The following PDE10A variants were observed in gnomAD, a reference collection of about 807,000 sequenced individuals.
The protein encoded by PDE10A is cAMP and cAMP-inhibited cGMP 3',5'-cyclic phosphodiesterase 10A.
Under a neutral mutation model 97.7 loss-of-function variants are expected in PDE10A, and 39 were observed. That is an observed-to-expected ratio of 0.40 (90% CI 0.31 to 0.52). PDE10A has a LOEUF of 0.52. Ranked by LOEUF, PDE10A falls within the 20% of genes least tolerant of loss-of-function variation. The pLI, the probability that PDE10A is intolerant of heterozygous loss-of-function variation, is 0.56. For synonymous variants in PDE10A, 371 were observed against 376.8 expected, an observed-to-expected ratio of 0.98 and a Z score of 0.18; for missense variants, 731 against 1,047.8, an observed-to-expected ratio of 0.70 and a Z score of 4.17.
intron 1 of PDE10A, among the ~76,000 whole-genome samples, chr6:165,788,902 C>CGTGCACCACCCCCAGTGT (rs1248318078): frequency 6.6e-6 from 1 of 152,058 alleles, no homozygotes; most frequent in Non-Finnish European, 1.5e-5. Flanking sequence ...AAGCCAAGTG[C>CGTGCACCACCCCCAGTGT]GTGCACCACC....
chr6:165,606,473 G>T (rs1399137256), intron 1 of PDE10A, among the ~76,000 whole-genome samples: 2 of 152,164 alleles, frequency 1.3e-5, no homozygotes, highest in Non-Finnish European at 2.9e-5. Flanking sequence ...CACAGCAGGG[G>T]ATGGGAGCGT....
At chr6:165,901,555 C>T (rs1782106530) in intron 1 of PDE10A, among the ~76,000 whole-genome samples, 1 of 152,208 alleles carries the variant, frequency 6.6e-6, no homozygotes, top group African/African-American at 2.4e-5. Flanking sequence ...GTAATCCCAG[C>T]ACTTTGGGAA....
chr6:165,985,028 G>A (rs950430034), intron 1 of PDE10A, among the ~76,000 whole-genome samples: 2 of 152,182 alleles, frequency 1.3e-5, no homozygotes, highest in Non-Finnish European at 2.9e-5. Flanking sequence ...TTGGAGACAG[G>A]AGCCCAAGCC....
At chr6:165,851,040 A>T (rs898401829) in intron 1 of PDE10A, among the ~76,000 whole-genome samples, 3 of 152,234 alleles carry the variant, frequency 2.0e-5, no homozygotes, top group African/African-American at 7.2e-5. Flanking sequence ...AAGGAAGGGA[A>T]CAGGTAGAAT....
intron 13 of PDE10A, among the ~76,000 whole-genome samples, chr6:165,404,136 T>C (rs564184923): frequency 1.3e-5 from 2 of 152,310 alleles, no homozygotes; most frequent in South Asian, 4.1e-4. Context: ...CCGATATGAT[T>C]ACCACAGTCA....
intron 1 of PDE10A, among the ~76,000 whole-genome samples, chr6:165,556,621 G>C (rs1305896300): frequency 6.6e-6 from 1 of 152,096 alleles, no homozygotes; most frequent in African/African-American, 2.4e-5. Context: ...TCAAGTGCTG[G>C]ACAATAGCCA....
At chr6:165,578,025 C>G (rs1393793206) in intron 1 of PDE10A, among the ~76,000 whole-genome samples, 1 of 152,212 alleles carries the variant, frequency 6.6e-6, no homozygotes, top group African/African-American at 2.4e-5. Flanking sequence ...AGACAGGAAC[C>G]AGGAGTGCCC....
At chr6:165,373,500 T>C (rs933960942) in intron 18 of PDE10A, among the ~76,000 whole-genome samples, 2 of 152,158 alleles carry the variant, frequency 1.3e-5, no homozygotes, top group Non-Finnish European at 2.9e-5. Context: ...TGACTGGCCA[T>C]CAGAGAAATG....
intron 18 of PDE10A, among the ~76,000 whole-genome samples, chr6:165,361,159 C>T (rs977168080): frequency 4.6e-5 from 7 of 152,096 alleles, no homozygotes; most frequent in African/African-American, 1.7e-4. Context: ...ATGCGTTCAT[C>T]AAGGTTTCAA....
In PDE10A at chr6:165,767,092, G is replaced by A. The variant is rs545600041; in HGVS notation, c.-615+220437C>T. ...TTCTACATTAAAAAACGGGCTTTTG[G>A]ATTTTGCTACTATCCTTTCACTTGG... On this transcript the variant is annotated intron_variant, in intron 1 of 19. Transcript: ENST00000366882. Among the ~76,000 whole-genome samples, 8 of 152,228 alleles carry A rather than the reference G, an allele frequency of 5.3e-5. No homozygotes were observed. In the South Asian group the frequency reaches 1.7e-3, roughly 32 times the overall value.
intron 1 of PDE10A, among the ~76,000 whole-genome samples, chr6:165,619,496 A>G (rs1477180957): frequency 5.8e-5 from 6 of 103,992 alleles, no homozygotes; most frequent in East Asian, 5.4e-4. Context: ...AGTCTAGTGT[A>G]GTCTAGTGTA....
chr6:165,447,002 C>T (rs776992430), intron 5 of PDE10A, among the ~76,000 whole-genome samples: 7 of 151,444 alleles, frequency 4.6e-5, no homozygotes. Context: ...CATAAAATTA[C>T]AATTTAGATA....
intron 1 of PDE10A, among the ~76,000 whole-genome samples, chr6:165,961,973 G>A (rs1784375847): frequency 6.6e-6 from 1 of 152,200 alleles, no homozygotes; most frequent in African/African-American, 2.4e-5. Flanking sequence ...CCCTACCTAG[G>A]CACTTTGCGT....
Position 165,952,597 on chromosome 6 carries a change from A to G in PDE10A, c.-615+34932T>C, listed in dbSNP as rs189837022. Among the ~76,000 whole-genome samples the G allele has an allele frequency of 5.0e-4, 76 of 152,300 alleles. 1 individual carries two copies. The East Asian group carries it at 0.01, about 21-fold the overall frequency. On this transcript the variant is annotated intron_variant, in intron 1 of 19. Transcript: ENST00000366882. Reference sequence around the variant, plus strand: ...TTTCTTCTTTTAAGAAATGGAGAAAACTCACGGGAGGACTAAGAAATCTGG... The same window carrying G: ...TTTCTTCTTTTAAGAAATGGAGAAAGCTCACGGGAGGACTAAGAAATCTGG...
intron 1 of PDE10A, among the ~76,000 whole-genome samples, chr6:165,683,335 C>T (rs112980510): frequency 5.3e-4 from 80 of 152,194 alleles, no homozygotes; most frequent in South Asian, 3.5e-3. Context: ...GCCCAGCCAA[C>T]GAGAATCCCA....
intron 1 of PDE10A, among the ~76,000 whole-genome samples, chr6:165,778,077 TTTA>T (rs1778240529): frequency 2.0e-5 from 3 of 152,304 alleles, no homozygotes; most frequent in South Asian, 2.1e-4. Context: ...ATTTTTAATT[TTTA>T]TTATTATTTT....
intron 18 of PDE10A, among the ~76,000 whole-genome samples, chr6:165,355,879 A>G (rs1012999528): frequency 2.0e-5 from 3 of 152,192 alleles, no homozygotes; most frequent in African/African-American, 7.2e-5. Context: ...TCCTTGCTGT[A>G]TTAGTCCATT....
chr6:165,817,928 C>A (rs1169467855), intron 1 of PDE10A, among the ~76,000 whole-genome samples: 1 of 152,222 alleles, frequency 6.6e-6, no homozygotes, highest in Non-Finnish European at 1.5e-5. Context: ...TCTGACCCTA[C>A]CTGCCTCACA....
At chr6:165,344,399 C>G (rs1782173474) in intron 18 of PDE10A, among the ~76,000 whole-genome samples, 1 of 152,150 alleles carries the variant, frequency 6.6e-6, no homozygotes, top group Non-Finnish European at 1.5e-5. Context: ...AAATTATCAA[C>G]AAGGATATAA....
Sources: allele counts gnomAD v4.1 joint callset (sites outside exome capture counted in the v4.1 genomes callset), GRCh38; gene constraint gnomAD v4.1.1; transcripts MANE v1.5; gene names NCBI Gene and HGNC (gene_info 2026-07-23, HGNC 2026-07-21).